GPC6: variants seen among roughly 807,000 people sequenced by gnomAD.
GPC6 encodes the protein glypican 6, also known as glypican-6.
In GPC6, 14 loss-of-function variants were observed where a neutral mutation model predicts 55.2. The observed-to-expected ratio is 0.25, with a 90% CI of 0.17 to 0.40. The LOEUF (loss-of-function observed/expected upper bound fraction) is 0.40. GPC6 is among the 10% of genes least tolerant of loss of function. The pLI, the probability that GPC6 is intolerant of heterozygous loss-of-function variation, is 1.00. For missense variants in GPC6, 641 were observed against 708.5 expected, an observed-to-expected ratio of 0.90 and a Z score of 1.08; for synonymous variants, 278 against 259.6, an observed-to-expected ratio of 1.07 and a Z score of -0.68.
At chr13:93,880,712 A>G (rs868000558) in intron 3 of GPC6, among the ~76,000 whole-genome samples, 11 of 152,060 alleles carry the variant, frequency 7.2e-5, no homozygotes, top group African/African-American at 2.4e-4. Flanking sequence ...CTTAAAGTAT[A>G]ATAATAAAAT....
chr13:93,606,159 G>A (rs1878228673), intron 2 of GPC6, among the ~76,000 whole-genome samples: 2 of 152,266 alleles, frequency 1.3e-5, no homozygotes, highest in South Asian at 4.1e-4. Flanking sequence ...AATAGGTCTT[G>A]TTCCAAGCAG....
At chr13:93,425,048 G>A (rs1488883589) in intron 1 of GPC6, among the ~76,000 whole-genome samples, 1 of 151,978 alleles carries the variant, frequency 6.6e-6, no homozygotes, top group African/African-American at 2.4e-5. Context: ...CAAGGGTAGG[G>A]CAAATGAAAT....
chr13:93,388,064 C>T (rs1291408844), intron 1 of GPC6, among the ~76,000 whole-genome samples: 2 of 152,272 alleles, frequency 1.3e-5, no homozygotes, highest in Non-Finnish European at 2.9e-5. Flanking sequence ...TGTATCACAA[C>T]AGGTCTTTGA....
chr13:93,741,475 C>T (rs900150962), intron 2 of GPC6, among the ~76,000 whole-genome samples: 3 of 152,044 alleles, frequency 2.0e-5, no homozygotes, highest in African/African-American at 7.2e-5. Flanking sequence ...TTATTTAATC[C>T]TTGTTAGAAT....
intron 4 of GPC6, among the ~76,000 whole-genome samples, chr13:94,099,135 A>G (rs368518449): frequency 6.6e-6 from 1 of 152,164 alleles, no homozygotes; most frequent in East Asian, 1.9e-4. Context: ...CCCATAAAAT[A>G]TACTGTTTTT....
At chr13:94,181,243 TA>T (rs1888982916) in intron 4 of GPC6, among the ~76,000 whole-genome samples, 1 of 152,138 alleles carries the variant, frequency 6.6e-6, no homozygotes, top group African/African-American at 2.4e-5. Context: ...AAATCCCTAA[TA>T]AAAACTTGCT....
intron 2 of GPC6, among the ~76,000 whole-genome samples, chr13:93,602,842 A>G (rs531670520): frequency 6.6e-6 from 1 of 152,366 alleles, no homozygotes; most frequent in South Asian, 2.1e-4. Flanking sequence ...AAGAAAATAT[A>G]CATTTTCGGT....
chr13:93,655,669 G>A (rs1006111158), intron 2 of GPC6, among the ~76,000 whole-genome samples: 4 of 152,172 alleles, frequency 2.6e-5, no homozygotes, highest in Non-Finnish European at 4.4e-5. Context: ...GTTAAATTTG[G>A]AGGAGGGGAG....
chr13:93,529,272 C>G (rs150237982), intron 1 of GPC6, among the ~76,000 whole-genome samples: 2 of 152,050 alleles, frequency 1.3e-5, no homozygotes, highest in Admixed American at 1.3e-4. Context: ...ACCTCCACTT[C>G]GATGTTCTTC....
intron 2 of GPC6, among the ~76,000 whole-genome samples, chr13:93,769,488 G>A (rs1156249046): frequency 6.6e-6 from 1 of 151,118 alleles, no homozygotes; most frequent in African/African-American, 2.4e-5. Context: ...TGTGCGCAGA[G>A]TCTGGGAGGA....
In GPC6 at chr13:94,185,452, G is replaced by A. The variant is rs150156327; in HGVS notation, c.878-100897G>A. On this transcript the variant is annotated intron_variant, in intron 4 of 8. Transcript: ENST00000377047. ...CAGGTAACTTTATGACATAGACAACGTGTACATAGACACATTATTTTATGT... is the reference window on the plus strand; with the variant it reads ...CAGGTAACTTTATGACATAGACAACATGTACATAGACACATTATTTTATGT... Among the ~76,000 whole-genome samples, 14 of 151,738 alleles carry A rather than the reference G, an allele frequency of 9.2e-5. No individual in the cohort carries two copies. In the East Asian group the frequency reaches 1.2e-3, roughly 13 times the overall value.
chr13:94,158,287 T>G (rs1888026247), intron 4 of GPC6, among the ~76,000 whole-genome samples: 1 of 152,154 alleles, frequency 6.6e-6, no homozygotes, highest in South Asian at 2.1e-4. Context: ...GTTTCAGATG[T>G]TACTAGGAAG....
At chr13:93,621,437 G>A (rs1480862339) in intron 2 of GPC6, among the ~76,000 whole-genome samples, 2 of 152,080 alleles carry the variant, frequency 1.3e-5, no homozygotes, top group Non-Finnish European at 2.9e-5. Flanking sequence ...AAATCTTGTG[G>A]TAGCCATGTT....
intron 2 of GPC6, among the ~76,000 whole-genome samples, chr13:93,652,226 C>T (rs1051930474): frequency 7.2e-5 from 11 of 152,244 alleles, no homozygotes; most frequent in African/African-American, 2.4e-4. Flanking sequence ...TGGATCTAAT[C>T]CATGCATATT....
chr13:93,751,393 A>T (rs1884584140), intron 2 of GPC6, among the ~76,000 whole-genome samples: 1 of 151,688 alleles, frequency 6.6e-6, no homozygotes, highest in Non-Finnish European at 1.5e-5. Flanking sequence ...CTCTCCCATG[A>T]TTGTGTGTCT....
chr13:93,231,332 T>TATATATATATATACATATATATAC (rs1491562655), intron 1 of GPC6, among the ~76,000 whole-genome samples: 9 of 32,086 alleles, frequency 2.8e-4, no homozygotes, highest in African/African-American at 6.1e-4. Flanking sequence ...TATATATACG[T>TATATATATATATACATATATATAC]ATATATATAT....
At chr13:94,391,418 G>A (rs748592434) in intron 7 of GPC6, among the ~76,000 whole-genome samples, 16 of 152,052 alleles carry the variant, frequency 1.1e-4, no homozygotes, top group Non-Finnish European at 1.6e-4. Context: ...GCCCTTATGC[G>A]CTTAACCGTA....
At chr13:93,609,469 C>T (rs558462731) in intron 2 of GPC6, among the ~76,000 whole-genome samples, 2 of 152,200 alleles carry the variant, frequency 1.3e-5, no homozygotes, top group Non-Finnish European at 2.9e-5. Context: ...ACCTCCTGGC[C>T]TCAAATGATC....
At chr13:93,216,781 C>T in the GPC6 span, among the ~76,000 whole-genome samples, 1 of 152,184 alleles carries the variant, frequency 6.6e-6, no homozygotes, top group Non-Finnish European at 1.5e-5. Flanking sequence ...TCTTATGTGA[C>T]TAAATCTACC....
Sources: allele counts gnomAD v4.1 joint callset (sites outside exome capture counted in the v4.1 genomes callset), GRCh38; gene constraint gnomAD v4.1.1; transcripts MANE v1.5; gene names NCBI Gene and HGNC (gene_info 2026-07-23, HGNC 2026-07-21).